FRY: variants seen among roughly 807,000 people sequenced by gnomAD.
FRY encodes the protein protein furry homolog.
A neutral mutation model predicts 348.4 loss-of-function variants in FRY; 128 were observed. The observed-to-expected ratio is 0.37, with a 90% CI of 0.32 to 0.43. The LOEUF (loss-of-function observed/expected upper bound fraction) is 0.43, where lower values mean the gene tolerates loss of function less well. Ranked by LOEUF, FRY falls within the 20% of genes least tolerant of loss-of-function variation. The pLI is 1.00. For synonymous variants in FRY, 1,370 were observed against 1,374.7 expected, an observed-to-expected ratio of 1.00 and a Z score of 0.08; for missense variants, 2,736 against 3,695.2, an observed-to-expected ratio of 0.74 and a Z score of 6.73.
At chr13:32,123,602 C>T (rs1878819314) in intron 4 of FRY, among the ~76,000 whole-genome samples, 1 of 152,176 alleles carries the variant, frequency 6.6e-6, no homozygotes, top group Non-Finnish European at 1.5e-5. Context: ...CTTTCAATGT[C>T]CACCTCTGGT....
At chr13:32,038,735 A>G (rs745940561) in intron 1 of FRY, 2 of 152,206 alleles carry the variant, frequency 1.3e-5, no homozygotes, top group Non-Finnish European at 1.5e-5. Flanking sequence ...CCATAAGACC[A>G]TCTTTACTTA....
intron 18 of FRY, among the ~76,000 whole-genome samples, chr13:32,171,531 C>G (rs991884988): frequency 6.6e-6 from 1 of 151,790 alleles, no homozygotes; most frequent in African/African-American, 2.4e-5. Context: ...AGGCTGGTCT[C>G]GAACTCCCAA....
At chr13:32,193,348 T>G (rs1390953240) in intron 28 of FRY, among the ~76,000 whole-genome samples, 1 of 151,884 alleles carries the variant, frequency 6.6e-6, no homozygotes, top group Non-Finnish European at 1.5e-5. Context: ...GTAGTAGGAA[T>G]AGACATTGAT....
At chr13:32,285,058 A>G (rs899230269) in intron 58 of FRY, among the ~76,000 whole-genome samples, 1 of 152,168 alleles carries the variant, frequency 6.6e-6, no homozygotes, top group Non-Finnish European at 1.5e-5. Context: ...TCTAAATCCA[A>G]TTTTATAAAT....
At chr13:32,273,380 G>A (rs575473735) in intron 55 of FRY, among the ~76,000 whole-genome samples, 64 of 151,846 alleles carry the variant, frequency 4.2e-4, no homozygotes, top group African/African-American at 1.4e-3. Context: ...CCACCACCTC[G>A]CCCGGCTAAT....
rs773220542 is a variant in FRY at position 32,237,952 on chromosome 13, C to T, written c.6384C>T (p.Ser2128=). 10 of 1,614,060 alleles carry T rather than the reference C, an allele frequency of 6.2e-6. No homozygotes were observed. Among genetic ancestry groups the T allele is most frequent in the South Asian group, 1.1e-5 (1 of 91,074 alleles). Reference sequence around the variant, plus strand: ...TCTTCAGTCTGCTGACACCAGTGTCCAAAATATCCATGGTGGATGCATCCC... The same window carrying T: ...TCTTCAGTCTGCTGACACCAGTGTCTAAAATATCCATGGTGGATGCATCCC... The part of the protein sequence containing the change: ...LQLFSLLTPV[S]KISMVDASHA... The change falls in exon 44 of 61, where the codon TCC becomes TCT. Residue 2128 remains serine (S), a synonymous_variant. Transcript: ENST00000542859. The surrounding 1 kb of genome is among the most constrained non-coding windows in gnomAD (Gnocchi z 6.3).
At chr13:32,061,093 T>C in intron 1 of FRY, 1 of 533,232 alleles carries the variant, frequency 1.9e-6, no homozygotes, top group Non-Finnish European at 3.8e-6. Flanking sequence ...TTGGGTTTCT[T>C]TTCAGGCTCA....
At position 32,262,343 on chromosome 13, in the gene FRY, G is replaced by A. The variant is rs755969672; in HGVS notation, c.7647G>A (p.Thr2549=). The A allele has an allele frequency of 1.5e-5, 24 of 1,613,698 alleles. No homozygotes were observed. The highest frequency in any genetic ancestry group is 1.6e-4 in the Middle Eastern group (1 of 6,082). Residue 2549 remains threonine (T), a synonymous_variant, in exon 53 of 61, where the codon ACG becomes ACA. Coordinates refer to ENST00000542859, the MANE Select transcript of FRY (RefSeq NM_023037.3). ...TGACTCTCTCCCCCTCTGAAGAGAC[G>A]AATCCCATGGAGCTGCTCACCACAG... is the stretch of plus-strand genomic sequence containing the variant. ...LIMTLSPSEE[T]NPMELLTTAC... is the part of the protein sequence containing the mutation.
rs764472770 is a variant in FRY at position 32,294,418 on chromosome 13, A to T, written c.8631A>T (p.Glu2877Asp). Residue 2877 changes from glutamate to aspartate, a missense_variant, in exon 60 of 61, where the codon GAA (glutamate) becomes GAT (aspartate). Glu to Asp is a conservative substitution (Grantham distance 45). Coordinates refer to ENST00000542859, the MANE Select transcript of FRY (RefSeq NM_023037.3). ...GTGACCTAAAGAAACACCTGAAGGA[A>T]GCCAGTGCAGTCATTGCAGCTGACC... ...ELSDLKKHLK[E>D]ASAVIAADPL... 1.9e-6 allele frequency: 3 copies of T among 1,614,084 alleles called. No individual in the cohort carries two copies. Among genetic ancestry groups the T allele is most frequent in the Non-Finnish European group, 2.5e-6 (3 of 1,179,936 alleles).
At chr13:32,123,355 T>C (rs1032742578) in intron 4 of FRY, among the ~76,000 whole-genome samples, 1 of 152,214 alleles carries the variant, frequency 6.6e-6, no homozygotes, top group Admixed American at 6.5e-5. Context: ...AAATGACTGC[T>C]TTGCTTCTCC....
intron 30 of FRY, 139 bp from the exon 31 acceptor site, chr13:32,202,216 CT>C (rs3216900): frequency 0.4 from 320,556 of 811,100 alleles, 65,951 homozygotes; most frequent in Admixed American, 0.44. Context: ...ACTAATTAAA[CT>C]GATGTTTTAC....
Position 32,233,769 on chromosome 13 carries a change from G to A in FRY, c.5528-805G>A, listed in dbSNP as rs137988925. On this transcript the variant is annotated intron_variant, in intron 41 of 60. Transcript: ENST00000542859. ...CAGAGTAATAAATAAGAATACATTT[G>A]TGAACCTATGTTATGTTTCAGACAC... Among the ~76,000 whole-genome samples the A allele has an allele frequency of 2.2e-4, 33 of 152,332 alleles. No individual in the cohort carries two copies. In the East Asian group the frequency reaches 6.2e-3, roughly 28 times the overall value.
intron 1 of FRY, among the ~76,000 whole-genome samples, chr13:32,033,105 C>T (rs1415733657): frequency 6.6e-6 from 1 of 152,222 alleles, no homozygotes; most frequent in Non-Finnish European, 1.5e-5. Flanking sequence ...TGGGGCTTGT[C>T]TGAAGCTGTT....
chr13:32,261,856 A>AT (rs777058605), intron 52 of FRY, 40 bp downstream of exon 52: 5 of 1,569,804 alleles, frequency 3.2e-6, no homozygotes, highest in African/African-American at 1.4e-5. Context: ...TGGGAGGCTT[A>AT]TTTTTTGTAA....
At chr13:32,123,780 C>A (rs1878835886) in intron 4 of FRY, among the ~76,000 whole-genome samples, 1 of 152,160 alleles carries the variant, frequency 6.6e-6, no homozygotes, top group Non-Finnish European at 1.5e-5. Flanking sequence ...GACTTCAAAT[C>A]CAATGTTTGT....
At chr13:32,226,381 G>T (rs1885584837) in intron 39 of FRY, among the ~76,000 whole-genome samples, 1 of 152,174 alleles carries the variant, frequency 6.6e-6, no homozygotes, top group Non-Finnish European at 1.5e-5. Context: ...GTGCCTTCTA[G>T]TGCCCATGAA....
At position 32,237,779 on chromosome 13, in the gene FRY, C is replaced by T; in HGVS notation, c.6211C>T (p.Leu2071=). Residue 2071 remains leucine, a synonymous_variant, in exon 44 of 61, where the codon CTG becomes TTG. Transcript: ENST00000542859. The surrounding 1 kb of genome is among the most constrained non-coding windows in gnomAD (Gnocchi z 6.3). ...GGCCTTAAGGCTGTTGAGCAGACTA[C>T]TGGCACATATGCCACTCGATAAGGC... ...LMALRLLSRL[L]AHMPLDKAEN... 6.2e-7 allele frequency: 1 copy of T among 1,614,074 alleles called. No individual in the cohort carries two copies. The highest frequency in any genetic ancestry group is 1.1e-5 in the South Asian group (1 of 91,078).
chr13:32,118,152 T>G (rs1878425077), intron 4 of FRY, among the ~76,000 whole-genome samples: 1 of 152,164 alleles, frequency 6.6e-6, no homozygotes, highest in Admixed American at 6.5e-5. Flanking sequence ...CCCCAAATTT[T>G]AGGTAAGCAC....
At position 32,295,748 on chromosome 13, in the gene FRY, G is replaced by A. The variant is rs898262516; in HGVS notation, c.*288G>A. ...ACTCGCTACTGAAGAAGTGACTTCC[G>A]TTGCATACCAAAGCCGACTACACTG... On this transcript the variant is annotated 3_prime_UTR_variant, in exon 61 of 61. Coordinates refer to ENST00000542859, the MANE Select transcript of FRY (RefSeq NM_023037.3). 25 of 512,076 alleles carry A rather than the reference G, an allele frequency of 4.9e-5. No individual in the cohort carries two copies. Among genetic ancestry groups the A allele is most frequent in the Non-Finnish European group, 7.8e-5 (22 of 283,128 alleles). The allele number at this position is 512,076 out of a possible 1,614,324, so 31.7% of individuals were successfully genotyped here. A position where few individuals can be genotyped will look rare whatever the true frequency, so the allele number is the denominator to read the frequency against.
Sources: allele counts gnomAD v4.1 joint callset (sites outside exome capture counted in the v4.1 genomes callset), GRCh38; gene constraint gnomAD v4.1.1; non-coding constraint Gnocchi (gnomAD v3.1); transcripts MANE v1.5; gene names NCBI Gene and HGNC (gene_info 2026-07-23, HGNC 2026-07-21).